Variants in HACE1 observed in about 807,000 individuals in gnomAD.
HACE1 encodes the protein HECT domain and ankyrin repeat containing E3 ubiquitin protein ligase 1, also known as E3 ubiquitin-protein ligase HACE1.
HACE1 carries 73 observed loss-of-function variants against 118.4 expected under a neutral mutation model. The ratio of observed to expected loss-of-function variants is 0.62; its 90% CI spans 0.51 to 0.75. The LOEUF (loss-of-function observed/expected upper bound fraction) is 0.75, where lower values mean the gene tolerates loss of function less well. Among genes scored for constraint, HACE1 ranks in the 30% least tolerant of loss-of-function variants. The probability of loss-of-function intolerance (pLI) is 0.00; values close to 1 mark genes in which losing one functional copy is unlikely to be tolerated. For synonymous variants in HACE1, 368 were observed against 374.8 expected, an observed-to-expected ratio of 0.98 and a Z score of 0.21; for missense variants, 749 against 1,102.2, an observed-to-expected ratio of 0.68 and a Z score of 4.54.
At chr6:104,785,382 AC>A (rs369455865) in intron 11 of HACE1, 63 bp from the exon 12 acceptor site, 14,044 of 813,800 alleles carry the variant, frequency 0.017, 58 homozygotes, top group Middle Eastern at 0.032. Flanking sequence ...AAAAAAAAAA[AC>A]AAAACACAAC....
At chr6:104,749,056 CT>C (rs1777755522) in intron 20 of HACE1, among the ~76,000 whole-genome samples, 1 of 152,120 alleles carries the variant, frequency 6.6e-6, no homozygotes, top group African/African-American at 2.4e-5. Flanking sequence ...GTTTTATAAA[CT>C]TATTGATATC....
intron 11 of HACE1, among the ~76,000 whole-genome samples, chr6:104,788,387 A>G (rs1369421668): frequency 6.6e-6 from 1 of 152,118 alleles, no homozygotes; most frequent in African/African-American, 2.4e-5. Flanking sequence ...ATTTATAAGC[A>G]TTTTAAGTCA....
chr6:104,814,143 G>C (rs2114985117), intron 6 of HACE1, among the ~76,000 whole-genome samples: 1 of 137,374 alleles, frequency 7.3e-6, no homozygotes, highest in South Asian at 2.2e-4. Flanking sequence ...AAGGGGGTGA[G>C]GGACCAAAGG....
intron 22 of HACE1, among the ~76,000 whole-genome samples, chr6:104,738,882 T>G (rs922957641): frequency 6.6e-5 from 10 of 150,922 alleles, no homozygotes; most frequent in African/African-American, 2.2e-4. Flanking sequence ...TCACCAAAGC[T>G]GAAATGAAGG....
In HACE1 at chr6:104,737,586, G is replaced by C. The variant is rs1228854666; in HGVS notation, c.2513+6574C>G. On this transcript the variant is annotated intron_variant, in intron 22 of 23. Transcript: ENST00000262903. ...GGTGACAGACGGCACCTAGAAAATC[G>C]GGTCACTCCCACCCGAATACTGCGC... Among the ~76,000 whole-genome samples the C allele has an allele frequency of 3.3e-5, 5 of 152,124 alleles. No homozygotes were observed. In the East Asian group the frequency reaches 9.7e-4, roughly 29 times the overall value.
chr6:104,797,779 AT>A (rs1769836225), intron 7 of HACE1, among the ~76,000 whole-genome samples: 1 of 152,076 alleles, frequency 6.6e-6, no homozygotes, highest in African/African-American at 2.4e-5. Flanking sequence ...TTCTTAAGAA[AT>A]GCCCAGGGCC....
Position 104,777,091 on chromosome 6 carries a change from G to C in HACE1, c.1698C>G (p.Ser566Arg). The change falls in exon 16 of 24, where the codon AGC becomes AGG. Residue 566 changes from serine (S) to arginine (R), a missense_variant. Ser to Arg is a moderately radical substitution (Grantham distance 110). This residue lies in a region of HACE1 where 195 missense variants were observed against 322.1 expected (regional missense o/e 0.61). Coordinates refer to ENST00000262903, the MANE Select transcript of HACE1 (RefSeq NM_020771.4). ...LVHRDSIFRS[S>R]CEVVSKANCA... Reference sequence around the variant, plus strand: ...AATTTGCTTTTGACACAACTTCACAGCTACTCCTAAAAATAGAATCTAAAT... The same window carrying C: ...AATTTGCTTTTGACACAACTTCACACCTACTCCTAAAAATAGAATCTAAAT... 6.2e-7 allele frequency: 1 copy of C among 1,609,216 alleles called. No homozygotes were observed. The highest frequency in any genetic ancestry group is 8.5e-7 in the Non-Finnish European group (1 of 1,175,784).
chr6:104,734,979 G>A (rs1016290029), intron 22 of HACE1, among the ~76,000 whole-genome samples: 1 of 151,932 alleles, frequency 6.6e-6, no homozygotes, highest in Non-Finnish European at 1.5e-5. Flanking sequence ...ATAAGGTCCG[G>A]ATGGTTTAAA....
intron 17 of HACE1, among the ~76,000 whole-genome samples, chr6:104,776,429 C>A (rs887395972): frequency 6.6e-6 from 1 of 151,870 alleles, no homozygotes; most frequent in African/African-American, 2.4e-5. Flanking sequence ...TAAATTGAAC[C>A]AATTTAGTTT....
intron 17 of HACE1, among the ~76,000 whole-genome samples, chr6:104,772,358 A>G (rs1780720670): frequency 1.3e-5 from 2 of 152,136 alleles, no homozygotes; most frequent in African/African-American, 2.4e-5. Context: ...ATCATCAGAG[A>G]CACTCTGGAA....
intron 6 of HACE1, chr6:104,824,909 TAA>T (rs575110963): frequency 1.1e-4 from 15 of 135,900 alleles, no homozygotes; most frequent in Admixed American, 1.5e-4. Flanking sequence ...CCGTCTCTAC[TAA>T]AAAAAAAAAA....
At chr6:104,825,414 G>C (rs1040161800) in intron 6 of HACE1, among the ~76,000 whole-genome samples, 1 of 152,096 alleles carries the variant, frequency 6.6e-6, no homozygotes, top group African/African-American at 2.4e-5. Context: ...GCCTCGGATT[G>C]GTTGCACACA....
chr6:104,857,848 T>C (rs933768954), intron 1 of HACE1, among the ~76,000 whole-genome samples: 1 of 149,386 alleles, frequency 6.7e-6, no homozygotes, highest in African/African-American at 2.5e-5. Flanking sequence ...TCCCAACTAC[T>C]GGGAAGGCTG....
chr6:104,737,718 G>A (rs1275014598), intron 22 of HACE1, among the ~76,000 whole-genome samples: 1 of 152,200 alleles, frequency 6.6e-6, no homozygotes, highest in Non-Finnish European at 1.5e-5. Flanking sequence ...AGCAGTCTGA[G>A]ACCAAACTGC....
chr6:104,820,282 C>T (rs1232993322), intron 6 of HACE1, among the ~76,000 whole-genome samples: 3 of 151,392 alleles, frequency 2.0e-5, no homozygotes, highest in Admixed American at 2.0e-4. Flanking sequence ...TAGGCACAGG[C>T]AAAGATTTCC....
chr6:104,832,472 C>T (rs1033018063), intron 6 of HACE1, among the ~76,000 whole-genome samples: 1 of 152,094 alleles, frequency 6.6e-6, no homozygotes, highest in Non-Finnish European at 1.5e-5. Flanking sequence ...CAGCTCACTG[C>T]AACCGCTGAC....
chr6:104,739,468 G>A, intron 22 of HACE1, among the ~76,000 whole-genome samples: 1 of 152,026 alleles, frequency 6.6e-6, no homozygotes, highest in Non-Finnish European at 1.5e-5. Context: ...AAGGATGGAG[G>A]ATGATCTACC....
intron 1 of HACE1, among the ~76,000 whole-genome samples, chr6:104,856,208 T>C (rs1257335363): frequency 6.6e-6 from 1 of 152,176 alleles, no homozygotes. Flanking sequence ...GCCATTTTTA[T>C]CACTACAGTT....
intron 5 of HACE1, among the ~76,000 whole-genome samples, chr6:104,834,463 T>C (rs1774327447): frequency 6.6e-6 from 1 of 152,232 alleles, no homozygotes; most frequent in African/African-American, 2.4e-5. Flanking sequence ...GTTAAAACTC[T>C]GGACTATGCT....
Sources: gnomAD v4.1 joint callset for allele counts (sites outside exome capture counted in the v4.1 genomes callset) on GRCh38, gnomAD v4.1.1 for gene constraint, gnomAD v4.1.1 regional missense constraint, MANE v1.5 for transcripts, NCBI Gene and HGNC (gene_info 2026-07-23, HGNC 2026-07-21) for gene names.